The following GCNT1 variants were observed in gnomAD, a reference collection of about 807,000 sequenced individuals.
The protein encoded by GCNT1 is glucosaminyl (N-acetyl) transferase 1.
Under a neutral mutation model 26.2 loss-of-function variants are expected in GCNT1, and 16 were observed. The ratio of observed to expected loss-of-function variants is 0.61; its 90% CI spans 0.41 to 0.93. The LOEUF (loss-of-function observed/expected upper bound fraction) is 0.93, where lower values mean the gene tolerates loss of function less well. Among genes scored for constraint, GCNT1 ranks in the 40% least tolerant of loss-of-function variants. GCNT1 has a pLI of 0.00. For missense variants in GCNT1, 477 were observed against 526.7 expected (o/e 0.91, Z 0.92); for synonymous variants, 183 against 190.8 (o/e 0.96, Z 0.34).
chr9:76,400,918 G>T, the GCNT1 span, among the ~76,000 whole-genome samples: 1 of 152,240 alleles, frequency 6.6e-6, no homozygotes, highest in Non-Finnish European at 1.5e-5. Context: ...AGGTGATAGA[G>T]CTTAGTAGTA....
chr9:76,477,299 G>A (rs555982284), intron 2 of GCNT1, among the ~76,000 whole-genome samples: 28 of 151,832 alleles, frequency 1.8e-4, no homozygotes, highest in East Asian at 3.9e-4. Context: ...AGGCCGAGGC[G>A]GGTGGATCAC....
At chr9:76,468,846 C>T (rs1289325737) in intron 2 of GCNT1, among the ~76,000 whole-genome samples, 1 of 152,014 alleles carries the variant, frequency 6.6e-6, no homozygotes, top group African/African-American at 2.4e-5. Flanking sequence ...TGGGAAGTGG[C>T]TGTGTGGAGA....
rs977139247 is a variant in GCNT1 at position 76,495,052 on chromosome 9, T to A, written c.-289-5864T>A. Among the ~76,000 whole-genome samples, 4 of 152,130 alleles carry A rather than the reference T, an allele frequency of 2.6e-5. No individual in the cohort carries two copies. The South Asian group carries it at 6.2e-4, about 24-fold the overall frequency. On this transcript the variant is annotated intron_variant, in intron 2 of 3. Transcript: ENST00000376730. Reference sequence around the variant, plus strand: ...GGCAGCCGCACTAGTCGCTTTTAACTGGCCGATAGGTGCCCAGTATTTAGC... The same window carrying A: ...GGCAGCCGCACTAGTCGCTTTTAACAGGCCGATAGGTGCCCAGTATTTAGC...
At chr9:76,427,894 A>C (rs1823277486) in intron 1 of GCNT1, among the ~76,000 whole-genome samples, 1 of 152,162 alleles carries the variant, frequency 6.6e-6, no homozygotes, top group African/African-American at 2.4e-5. Flanking sequence ...TGGCATGAGA[A>C]TTGCTTGAAC....
At chr9:76,481,580 A>G (rs927913406) in intron 2 of GCNT1, among the ~76,000 whole-genome samples, 50 of 152,260 alleles carry the variant, frequency 3.3e-4, no homozygotes, top group African/African-American at 1.1e-3. Flanking sequence ...CTGATTAGCC[A>G]TCTTTATAGG....
chr9:76,401,520 C>T, the GCNT1 span, among the ~76,000 whole-genome samples: 1 of 152,150 alleles, frequency 6.6e-6, no homozygotes, highest in Non-Finnish European at 1.5e-5. Flanking sequence ...AATAAGAACA[C>T]ATTAATGAAG....
At chr9:76,415,869 C>A (rs961922358), upstream of GCNT1, among the ~76,000 whole-genome samples, 1 of 152,148 alleles carries the variant, frequency 6.6e-6, no homozygotes, top group African/African-American at 2.4e-5. Context: ...GCCCACAAAT[C>A]ATTATTCAAT....
chr9:76,440,115 A>G (rs1452428565), upstream of GCNT1, among the ~76,000 whole-genome samples: 9 of 151,796 alleles, frequency 5.9e-5, no homozygotes, highest in Non-Finnish European at 1.0e-4. Flanking sequence ...AAAAAAAAAA[A>G]AAAAGAAAAA....
At position 76,505,141 on chromosome 9, in the gene GCNT1, A is replaced by C. The variant is rs2131652258; in HGVS notation, c.*1473A>C. 1 of 408,416 alleles carries C rather than the reference A, an allele frequency of 2.4e-6. No individual in the cohort carries two copies. The highest frequency in any genetic ancestry group is 3.6e-5 in the East Asian group (1 of 27,818). The allele number at this position is 408,416 out of a possible 1,614,324, so 25.3% of individuals were successfully genotyped here. ...TAGCATTAGACTTTAAACAAGAATT[A>C]AAATCATGTGCTGTATTTTTAAAAT... On this transcript the variant is annotated 3_prime_UTR_variant, in exon 4 of 4. Coordinates refer to ENST00000376730, the MANE Select transcript of GCNT1 (RefSeq NM_001490.5).
At chr9:76,500,165 G>A (rs569545742) in intron 2 of GCNT1, among the ~76,000 whole-genome samples, 41 of 151,970 alleles carry the variant, frequency 2.7e-4, no homozygotes, top group Non-Finnish European at 5.0e-4. Context: ...AAACTGGATA[G>A]TTTATAATGT....
chr9:76,450,946 G>C (rs527975587), intron 1 of GCNT1, among the ~76,000 whole-genome samples: 1 of 152,120 alleles, frequency 6.6e-6, no homozygotes, highest in Non-Finnish European at 1.5e-5. Context: ...TCTTAAAAGG[G>C]ATCAACCTGT....
rs1825233956 is a variant in GCNT1, at chr9:76,506,174, G to A, written c.*2506G>A. 6.0e-6 allele frequency: 1 copy of A among 167,014 alleles called. No individual in the cohort carries two copies. Among genetic ancestry groups the A allele is most frequent in the African/African-American group, 2.4e-5 (1 of 41,432 alleles). The allele number at this position is 167,014 out of a possible 1,614,324, so 10.3% of individuals were successfully genotyped here. ...GAAGCAAAACCCAAGTGATTGGTGA[G>A]AAATATAGAAATTATTTAAATTACT... On this transcript the variant is annotated 3_prime_UTR_variant, in exon 4 of 4. Transcript: ENST00000376730.
the GCNT1 span, among the ~76,000 whole-genome samples, chr9:76,411,916 G>A: frequency 1.3e-5 from 2 of 151,740 alleles, no homozygotes; most frequent in Non-Finnish European, 2.9e-5. Context: ...TGGCCAGGCT[G>A]TTCTCAAACT....
intron 1 of GCNT1, among the ~76,000 whole-genome samples, chr9:76,429,706 GTTTT>G (rs1823308003): frequency 7.1e-6 from 1 of 140,448 alleles, no homozygotes; most frequent in Non-Finnish European, 1.5e-5. Flanking sequence ...TCAAGCCTCT[GTTTT>G]CTTTCTTTTT....
At chr9:76,484,870 C>T (rs1344203745) in intron 2 of GCNT1, among the ~76,000 whole-genome samples, 2 of 149,232 alleles carry the variant, frequency 1.3e-5, no homozygotes, top group African/African-American at 4.9e-5. Context: ...GTCACTGCAA[C>T]CTCCGCCTCC....
intron 2 of GCNT1, among the ~76,000 whole-genome samples, chr9:76,474,953 T>G (rs889702661): frequency 6.6e-6 from 1 of 152,254 alleles, no homozygotes; most frequent in Non-Finnish European, 1.5e-5. Flanking sequence ...TTTGTTTGTT[T>G]TGAGACGGAG....
intron 1 of GCNT1, among the ~76,000 whole-genome samples, chr9:76,434,712 C>T (rs1823384256): frequency 6.6e-6 from 1 of 152,122 alleles, no homozygotes; most frequent in African/African-American, 2.4e-5. Context: ...GCAAAAAGAG[C>T]CATATTTTTC....
chr9:76,397,170 T>C, the GCNT1 span, among the ~76,000 whole-genome samples: 1 of 152,160 alleles, frequency 6.6e-6, no homozygotes. Context: ...TAATCCCAGC[T>C]ACTCGGGAGA....
chr9:76,398,623 T>A, the GCNT1 span: 1 of 834,448 alleles, frequency 1.2e-6, no homozygotes, highest in Admixed American at 2.0e-5. Context: ...TTGTTTTTGC[T>A]TTCCGCGCTA....
Sources: allele counts gnomAD v4.1 joint callset (sites outside exome capture counted in the v4.1 genomes callset), GRCh38; gene constraint gnomAD v4.1.1; transcripts MANE v1.5; gene names NCBI Gene and HGNC (gene_info 2026-07-23, HGNC 2026-07-21).